Variants in PKD1L3 observed in about 807,000 individuals in gnomAD.
PKD1L3 encodes the protein polycystin-1-like protein 3.
PKD1L3 carries 239 observed loss-of-function variants against 184.1 expected under a neutral mutation model. That is an observed-to-expected ratio of 1.30 (90% confidence interval 1.17 to 1.45). The LOEUF (loss-of-function observed/expected upper bound fraction) is 1.45. PKD1L3 is among the 40% of genes most tolerant of loss of function. The pLI, the probability that PKD1L3 is intolerant of heterozygous loss-of-function variation, is 0.00. For synonymous variants in PKD1L3, 996 were observed against 778.8 expected, an observed-to-expected ratio of 1.28 and a Z score of -4.64; for missense variants, 2,660 against 2,067.2, an observed-to-expected ratio of 1.29 and a Z score of -5.56.
intron 2 of PKD1L3, among the ~76,000 whole-genome samples, chr16:71,994,583 T>G (rs1195953881): frequency 6.6e-6 from 1 of 152,196 alleles, no homozygotes; most frequent in Non-Finnish European, 1.5e-5. Flanking sequence ...TATATTGGCC[T>G]CATGAACTAT....
chr16:71,962,621 G>T (rs1156970834), intron 16 of PKD1L3, among the ~76,000 whole-genome samples: 1 of 152,012 alleles, frequency 6.6e-6, no homozygotes, highest in African/African-American at 2.4e-5. Flanking sequence ...CGAGTAGCTG[G>T]GATCACAGGT....
intron 24 of PKD1L3, among the ~76,000 whole-genome samples, chr16:71,939,277 C>T (rs1241700873): frequency 6.6e-6 from 1 of 152,228 alleles, no homozygotes; most frequent in Non-Finnish European, 1.5e-5. Context: ...CCATACATAC[C>T]TCACTGCTCT....
At chr16:71,940,792 G>A (rs2038335310) in intron 24 of PKD1L3, among the ~76,000 whole-genome samples, 1 of 149,452 alleles carries the variant, frequency 6.7e-6, no homozygotes, top group South Asian at 2.1e-4. Context: ...GAGCTACCAT[G>A]CCCAGCCAGG....
At chr16:71,965,555 A>ATT (rs34451176) in intron 15 of PKD1L3, among the ~76,000 whole-genome samples, 9 of 136,906 alleles carry the variant, frequency 6.6e-5, no homozygotes, top group Admixed American at 1.5e-4. Context: ...TTTTGTGAGA[A>ATT]TTTTTTTTTT....
intron 4 of PKD1L3, among the ~76,000 whole-genome samples, chr16:71,989,955 A>G (rs932406387): frequency 2.0e-5 from 3 of 152,028 alleles, no homozygotes; most frequent in Non-Finnish European, 4.4e-5. Context: ...CAGGCCTGTA[A>G]TCCCAGCTAC....
chr16:71,943,930 G>A, intron 23 of PKD1L3, 100 bp downstream of exon 23: 1 of 1,350,284 alleles, frequency 7.4e-7, no homozygotes, highest in Non-Finnish European at 1.0e-6. Flanking sequence ...TTAAAAGACA[G>A]CTTTTTAACC....
intron 28 of PKD1L3, 35 bp from the exon 29 acceptor site, chr16:71,930,218 C>A (rs1476455744): frequency 9.9e-6 from 15 of 1,515,972 alleles, no homozygotes; most frequent in Non-Finnish European, 1.3e-5. Flanking sequence ...CAGTGACTGA[C>A]AATTTAGTTT....
chr16:71,944,154 T>G lies in PKD1L3; in HGVS notation c.3735A>C (p.Ser1245=), dbSNP rs2038469303. The G allele has an allele frequency of 1.3e-6, 2 of 1,549,926 alleles. No individual in the cohort carries two copies. Among genetic ancestry groups the G allele is most frequent in the Non-Finnish European group, 8.7e-7 (1 of 1,146,128 alleles). ...ILALLAKCSS[S]VPGSRDKNNP... ...TGTTCTTATCTCTTGAACCTGGTACTGACGAAGAACATTTTGCTGTCAAAA... is the reference window on the plus strand; with the variant it reads ...TGTTCTTATCTCTTGAACCTGGTACGGACGAAGAACATTTTGCTGTCAAAA... Residue 1245 remains serine, a synonymous_variant, in exon 23 of 30, where the codon TCA becomes TCC. Transcript: ENST00000620267.
In PKD1L3 at chr16:71,950,120, G is replaced by A; in HGVS notation, c.3381C>T (p.Ser1127=). Reference sequence around the variant, plus strand: ...GAAGGCTTGGTGTGGTGCATTACCTGGATGGCTCTTGCTCCGTGGGAAGAA... The same window carrying A: ...GAAGGCTTGGTGTGGTGCATTACCTAGATGGCTCTTGCTCCGTGGGAAGAA... ...THILPTEQEP[S]REVTSFAILS... The change falls in exon 20 of 30, where the codon TCC becomes TCT. Residue 1127 remains serine, a splice_region_variant and synonymous_variant. Transcript: ENST00000620267. 6.4e-7 allele frequency: 1 copy of A among 1,551,572 alleles called. No homozygotes were observed. The highest frequency in any genetic ancestry group is 8.7e-7 in the Non-Finnish European group (1 of 1,146,644).
chr16:71,972,077 G>A (rs1318286329), intron 12 of PKD1L3, among the ~76,000 whole-genome samples: 5 of 152,100 alleles, frequency 3.3e-5, no homozygotes, highest in African/African-American at 4.8e-5. Flanking sequence ...TTAGCCGGGC[G>A]CAGTGGTGGG....
chr16:71,993,559 G>A (rs1484298504), intron 2 of PKD1L3, among the ~76,000 whole-genome samples: 1 of 152,126 alleles, frequency 6.6e-6, no homozygotes, highest in African/African-American at 2.4e-5. Context: ...ACACTGAGAA[G>A]TTCATTAACC....
At chr16:71,974,655 C>A (rs1312627563) in intron 11 of PKD1L3, among the ~76,000 whole-genome samples, 1 of 152,142 alleles carries the variant, frequency 6.6e-6, no homozygotes, top group East Asian at 1.9e-4. Context: ...CTGCGCTCCA[C>A]CCTGGGCGAC....
chr16:71,997,453 TAAA>T (rs2040832845), intron 2 of PKD1L3, among the ~76,000 whole-genome samples: 1 of 144,654 alleles, frequency 6.9e-6, no homozygotes, highest in Admixed American at 6.9e-5. Context: ...CGTCTCCACA[TAAA>T]AAAATAAATA....
intron 24 of PKD1L3, among the ~76,000 whole-genome samples, chr16:71,939,762 AGAG>A (rs2038297795): frequency 6.6e-6 from 1 of 152,200 alleles, no homozygotes; most frequent in African/African-American, 2.4e-5. Flanking sequence ...GGGAGAAGAA[AGAG>A]AAGTTGGATT....
intron 11 of PKD1L3, among the ~76,000 whole-genome samples, chr16:71,974,298 C>T (rs1208686331): frequency 6.6e-6 from 1 of 152,146 alleles, no homozygotes; most frequent in Non-Finnish European, 1.5e-5. Flanking sequence ...GCTTTCTCAT[C>T]TTTCAAATAG....
At chr16:71,933,567 C>A in intron 27 of PKD1L3, 46 bp from the exon 28 acceptor site, 1 of 1,368,172 alleles carries the variant, frequency 7.3e-7, no homozygotes, top group African/African-American at 1.4e-5. Flanking sequence ...GAGCGCACAT[C>A]TTTCTATCCT....
intron 16 of PKD1L3, among the ~76,000 whole-genome samples, chr16:71,960,883 C>T (rs948311758): frequency 7.9e-5 from 12 of 152,022 alleles, no homozygotes; most frequent in Non-Finnish European, 1.6e-4. Flanking sequence ...CACAGTGAGA[C>T]CCTATCTCAA....
intron 11 of PKD1L3, 91 bp downstream of exon 11, chr16:71,977,145 T>A: frequency 1.0e-6 from 1 of 998,204 alleles, no homozygotes; most frequent in Non-Finnish European, 1.5e-6. Flanking sequence ...CCTGACAGTT[T>A]GAGGCTGCAG....
chr16:71,945,885 GA>G (rs910174519), intron 22 of PKD1L3, among the ~76,000 whole-genome samples: 77 of 152,164 alleles, frequency 5.1e-4, no homozygotes, highest in Admixed American at 5.9e-4. Context: ...ATGATAAGGG[GA>G]AAAAAGTCTC....
Sources: gnomAD v4.1 joint callset for allele counts (sites outside exome capture counted in the v4.1 genomes callset) on GRCh38, gnomAD v4.1.1 for gene constraint, MANE v1.5 for transcripts, NCBI Gene and HGNC (gene_info 2026-07-23, HGNC 2026-07-21) for gene names.